Variants in TG observed in about 807,000 individuals in gnomAD.
TG encodes thyroid hormones.
In TG, 270 loss-of-function variants were observed where a neutral mutation model predicts 324.7. That is an observed-to-expected ratio of 0.83 (90% confidence interval 0.75 to 0.92). TG has a LOEUF of 0.92. Among genes scored for constraint, TG ranks in the 40% least tolerant of loss-of-function variants. TG has a pLI of 0.00. For missense variants in TG, 3,591 were observed against 3,456.4 expected (o/e 1.04, Z -0.98); for synonymous variants, 1,401 against 1,327.0 (o/e 1.06, Z -1.21).
In TG at chr8:133,030,020, G is replaced by A; in HGVS notation, c.7236G>A (p.Leu2412=). The change falls in exon 41 of 48, where the codon CTG becomes CTA. Residue 2412 remains leucine (L), a synonymous_variant. Coordinates refer to ENST00000220616, the MANE Select transcript of TG (RefSeq NM_003235.5). ...TNSQLFRRAV[L]MGGSALSPAA... is the part of the protein sequence containing the mutation. ...CCCAACTTTTCCGGAGAGCTGTGCT[G>A]ATGGTAAGTGGTGTGTGTTCTACCT... 1 of 1,614,250 alleles carries A rather than the reference G, an allele frequency of 6.2e-7. No homozygotes were observed. Among genetic ancestry groups the A allele is most frequent in the Non-Finnish European group, 8.5e-7 (1 of 1,180,050 alleles).
chr8:132,975,198 C>T (rs1452001598), intron 34 of TG, among the ~76,000 whole-genome samples: 1 of 152,218 alleles, frequency 6.6e-6, no homozygotes, highest in African/African-American at 2.4e-5. Context: ...TGAGCTCTCA[C>T]CTCTCACTTC....
chr8:132,956,937 GAGA>G (rs2130254288), intron 27 of TG, among the ~76,000 whole-genome samples: 1 of 152,260 alleles, frequency 6.6e-6, no homozygotes, highest in Non-Finnish European at 1.5e-5. Context: ...GAGACTGATG[GAGA>G]AGGAGTCAAG....
intron 16 of TG, among the ~76,000 whole-genome samples, chr8:132,906,410 A>G (rs1019909060): frequency 6.6e-6 from 1 of 152,070 alleles, no homozygotes. Context: ...TTTAGAGATG[A>G]GAAGAAGCTC....
At chr8:132,894,510 G>C (rs1816826717) in intron 11 of TG, among the ~76,000 whole-genome samples, 2 of 151,840 alleles carry the variant, frequency 1.3e-5, no homozygotes, top group South Asian at 4.2e-4. Context: ...CCAGGCTGGG[G>C]TGCAGTGGCA....
chr8:133,093,022 A>T (rs1847808999), intron 41 of TG, among the ~76,000 whole-genome samples: 2 of 152,176 alleles, frequency 1.3e-5, no homozygotes, highest in Admixed American at 1.3e-4. Flanking sequence ...CCATCCTGAC[A>T]TTCACATCTC....
At chr8:132,893,966 C>A (rs72727407) in intron 11 of TG, 37 bp downstream of exon 11, 183,278 of 1,613,580 alleles carry the variant, frequency 0.11, 12,161 homozygotes, top group Admixed American at 0.22. Flanking sequence ...TACTGCATCG[C>A]TTTGGAAAAG....
intron 41 of TG, chr8:133,050,858 G>C (rs1354657374): frequency 6.2e-7 from 1 of 1,613,816 alleles, no homozygotes; most frequent in Non-Finnish European, 8.5e-7. Flanking sequence ...GAATATCGGG[G>C]GGCTGATGTC....
chr8:133,039,722 G>A (rs55987315), intron 41 of TG, among the ~76,000 whole-genome samples: 21,872 of 152,198 alleles, frequency 0.14, 1,680 homozygotes, highest in Admixed American at 0.17. Flanking sequence ...CAGCTAGAAT[G>A]TATATTGCTA....
rs115903010 is a variant in TG, at chr8:133,106,596, C to T, written c.7573-6826C>T. ...CGCTGCTCCCCCTCACCCAGCTGTCCGCATGTCTGAACCCTACCCTCTCTT... is the reference window on the plus strand; with the variant it reads ...CGCTGCTCCCCCTCACCCAGCTGTCTGCATGTCTGAACCCTACCCTCTCTT... On this transcript the variant is annotated intron_variant, in intron 43 of 47. Transcript: ENST00000220616. 767 of 331,888 alleles carry T rather than the reference C, an allele frequency of 2.3e-3. 5 individuals carry two copies. Among genetic ancestry groups the T allele is most frequent in the African/African-American group, 0.016 (696 of 44,704 alleles). The allele number at this position is 331,888 out of a possible 1,614,324, so 20.6% of individuals were successfully genotyped here.
chr8:132,927,922 G>A (rs1822114792), intron 22 of TG, among the ~76,000 whole-genome samples: 1 of 152,144 alleles, frequency 6.6e-6, no homozygotes, highest in African/African-American at 2.4e-5. Context: ...AGAGAAGAAG[G>A]GCTTTGTGTG....
At chr8:133,011,562 T>A (rs950357013) in intron 35 of TG, among the ~76,000 whole-genome samples, 9 of 152,244 alleles carry the variant, frequency 5.9e-5, no homozygotes, top group African/African-American at 2.2e-4. Flanking sequence ...TTATTTTAAC[T>A]GTTGCTTTGT....
chr8:132,898,685 G>A lies in TG; in HGVS notation c.3218-113G>A, dbSNP rs1037809812. On this transcript the variant is annotated intron_variant, in intron 13 of 47. Transcript: ENST00000220616. ...CTCAGAGATTCTACCTCTCTATGAA[G>A]AGCACCTGCATTCACCCAGGCTCAT... 2.2e-5 allele frequency: 18 copies of A among 835,296 alleles called. No individual in the cohort carries two copies. In the African/African-American group the frequency reaches 2.9e-4, roughly 13 times the overall value. The allele number at this position is 835,296 out of a possible 1,614,324, so 51.7% of individuals were successfully genotyped here.
intron 35 of TG, 121 bp from the exon 36 acceptor site, chr8:133,011,780 A>T (rs1834528727): frequency 8.2e-7 from 1 of 1,222,488 alleles, no homozygotes; most frequent in African/African-American, 1.5e-5. Flanking sequence ...GTTGCACAGG[A>T]ATGGAGACCA....
intron 36 of TG, among the ~76,000 whole-genome samples, chr8:133,012,943 A>G (rs1315384526): frequency 6.6e-6 from 1 of 152,208 alleles, no homozygotes; most frequent in Non-Finnish European, 1.5e-5. Flanking sequence ...GGGAAAGGGC[A>G]TGGTCCCTGG....
intron 41 of TG, chr8:133,060,464 ACCCT>A: frequency 8.0e-6 from 9 of 1,125,292 alleles, no homozygotes; most frequent in African/African-American, 1.6e-5. Context: ...ATTCCTCCGC[ACCCT>A]TGCTGAGGAT....
chr8:133,021,474 G>GT (rs1564081124), intron 39 of TG, among the ~76,000 whole-genome samples: 1 of 152,220 alleles, frequency 6.6e-6, no homozygotes, highest in Non-Finnish European at 1.5e-5. Context: ...CTCACCTTTT[G>GT]TGACCTTCAG....
intron 2 of TG, 67 bp downstream of exon 2, chr8:132,868,290 C>T: frequency 7.0e-7 from 1 of 1,426,052 alleles, no homozygotes; most frequent in Non-Finnish European, 9.8e-7. Flanking sequence ...TGTGCCTTCC[C>T]CCCTCTTCCT....
intron 4 of TG, 24 bp from the exon 5 acceptor site, chr8:132,873,038 T>C (rs776441283): frequency 2.3e-5 from 37 of 1,603,362 alleles, no homozygotes; most frequent in Non-Finnish European, 3.1e-5. Flanking sequence ...TATATAAGGA[T>C]TTTTTTTTCG....
chr8:133,049,046 A>C (rs1442185282), intron 41 of TG: 5 of 397,564 alleles, frequency 1.3e-5, no homozygotes, highest in Non-Finnish European at 2.6e-5. Context: ...GACACTTGAC[A>C]GATGAGGATA....
Sources: gnomAD v4.1 joint callset for allele counts (sites outside exome capture counted in the v4.1 genomes callset) on GRCh38, gnomAD v4.1.1 for gene constraint, MANE v1.5 for transcripts, NCBI Gene and HGNC (gene_info 2026-07-23, HGNC 2026-07-21) for gene names.